CSMD1: variants seen among roughly 807,000 people sequenced by gnomAD.
CSMD1 encodes CUB and sushi domain-containing protein 1.
A neutral mutation model predicts 417.5 loss-of-function variants in CSMD1; 213 were observed. That is an observed-to-expected ratio of 0.51 (90% CI 0.46 to 0.57). The LOEUF is 0.57. Among genes scored for constraint, CSMD1 ranks in the 20% least tolerant of loss-of-function variants. The probability of loss-of-function intolerance (pLI) is 0.00; values close to 1 mark genes in which losing one functional copy is unlikely to be tolerated. For missense variants in CSMD1, 6,923 were observed against 4,529.7 expected, an observed-to-expected ratio of 1.53 and a Z score of -15.17; for synonymous variants, 2,862 against 1,736.8, an observed-to-expected ratio of 1.65 and a Z score of -16.11.
chr8:4,154,343 T>C (rs1198400679), intron 3 of CSMD1, among the ~76,000 whole-genome samples: 2 of 152,230 alleles, frequency 1.3e-5, no homozygotes, highest in African/African-American at 2.4e-5. Context: ...TCCAGGAGTA[T>C]TCAGTCAAGC....
chr8:3,294,521 G>A (rs1803817105), intron 25 of CSMD1, among the ~76,000 whole-genome samples: 1 of 151,698 alleles, frequency 6.6e-6, no homozygotes, highest in African/African-American at 2.4e-5. Flanking sequence ...CTTGGCAATG[G>A]CGGGCGCCCC....
At chr8:4,097,655 A>T (rs1191969776) in intron 3 of CSMD1, among the ~76,000 whole-genome samples, 1 of 152,202 alleles carries the variant, frequency 6.6e-6, no homozygotes, top group African/African-American at 2.4e-5. Flanking sequence ...AAAAACTTTA[A>T]AAGATGTTCT....
chr8:4,653,710 A>G (rs1804052062), intron 1 of CSMD1, among the ~76,000 whole-genome samples: 1 of 152,136 alleles, frequency 6.6e-6, no homozygotes, highest in South Asian at 2.1e-4. Flanking sequence ...CACAAATGGC[A>G]GAAAAGGAAA....
At chr8:3,846,108 A>G (rs773107052) in intron 5 of CSMD1, among the ~76,000 whole-genome samples, 7 of 152,188 alleles carry the variant, frequency 4.6e-5, no homozygotes, top group Non-Finnish European at 1.0e-4. Context: ...TAAAAAGTAT[A>G]GTAATTATAT....
intron 3 of CSMD1, among the ~76,000 whole-genome samples, chr8:4,115,486 T>A (rs1310515058): frequency 1.3e-5 from 2 of 151,832 alleles, no homozygotes; most frequent in Non-Finnish European, 2.9e-5. Context: ...TTAGACGTAT[T>A]TTTTTACAAC....
chr8:3,260,814 A>G (rs1386220444), intron 26 of CSMD1, among the ~76,000 whole-genome samples: 1 of 152,202 alleles, frequency 6.6e-6, no homozygotes, highest in Non-Finnish European at 1.5e-5. Context: ...ATCAAAACAG[A>G]AAAGCTTTTG....
chr8:3,341,732 C>T (rs559244451), intron 23 of CSMD1, among the ~76,000 whole-genome samples: 10 of 152,264 alleles, frequency 6.6e-5, no homozygotes, highest in African/African-American at 1.9e-4. Flanking sequence ...ACTGGAAGAA[C>T]GCCGTAGGTG....
In CSMD1 at chr8:4,280,018, T is replaced by C. The variant is rs1404575855; in HGVS notation, c.415+139935A>G. Among the ~76,000 whole-genome samples, 4 of 152,236 alleles carry C rather than the reference T, an allele frequency of 2.6e-5. No individual in the cohort carries two copies. The South Asian group carries it at 8.3e-4, about 32-fold the overall frequency. On this transcript the variant is annotated intron_variant, in intron 3 of 69. Coordinates refer to ENST00000635120, the MANE Select transcript of CSMD1 (RefSeq NM_033225.6). ...ACACAGGGGCCTATCTGCTGCTTCC[T>C]TCCCAGCCTAGAACACAGTGAACTC...
chr8:3,296,442 A>T (rs1331294706), intron 25 of CSMD1, among the ~76,000 whole-genome samples: 1 of 152,122 alleles, frequency 6.6e-6, no homozygotes, highest in Non-Finnish European at 1.5e-5. Flanking sequence ...CTACGCACAG[A>T]GGGCTTTGTA....
At chr8:3,947,140 A>C (rs576488577) in intron 5 of CSMD1, among the ~76,000 whole-genome samples, 11 of 152,334 alleles carry the variant, frequency 7.2e-5, no homozygotes, top group South Asian at 6.2e-4. Flanking sequence ...TTTCATCATT[A>C]AGTAAGAAAT....
intron 2 of CSMD1, among the ~76,000 whole-genome samples, chr8:4,451,983 T>C (rs1267272035): frequency 6.7e-6 from 1 of 149,370 alleles, no homozygotes; most frequent in Non-Finnish European, 1.5e-5. Flanking sequence ...GATATACATA[T>C]AGTTTGATAT....
intron 40 of CSMD1, among the ~76,000 whole-genome samples, chr8:3,147,647 T>G (rs1818923712): frequency 6.6e-6 from 1 of 152,204 alleles, no homozygotes; most frequent in South Asian, 2.1e-4. Flanking sequence ...TCATTTTCCT[T>G]GTTACTTAGT....
rs556970597 is a variant in CSMD1, at chr8:4,454,533, G to A, written c.303-34468C>T. 2.5e-3 allele frequency among the ~76,000 whole-genome samples: 375 copies of A among 152,244 alleles called. 3 individuals are homozygous for A. Among genetic ancestry groups the A allele is most frequent in the Non-Finnish European group, 4.5e-3 (308 of 68,028 alleles). ...GAAGCAAAGAAAAAGTGTGGTTTCT[G>A]ATTTCTAATACAGAGCACCTTTGCA... On this transcript the variant is annotated intron_variant, in intron 2 of 69. Transcript: ENST00000635120.
chr8:3,233,040 T>G (rs1403962374), intron 26 of CSMD1, among the ~76,000 whole-genome samples: 1 of 152,254 alleles, frequency 6.6e-6, no homozygotes, highest in Non-Finnish European at 1.5e-5. Context: ...GATGATTGTT[T>G]AAATTTTCAT....
At chr8:4,071,400 A>T (rs982186466) in intron 3 of CSMD1, among the ~76,000 whole-genome samples, 1 of 81,422 alleles carries the variant, frequency 1.2e-5, no homozygotes, top group African/African-American at 5.3e-5. Flanking sequence ...AACCTACTTT[A>T]AAAAAAATTG....
chr8:3,409,556 C>A lies in CSMD1; in HGVS notation c.1611G>T (p.Lys537Asn). The A allele has an allele frequency of 1.2e-6, 2 of 1,610,828 alleles. No individual in the cohort carries two copies. The highest frequency in any genetic ancestry group is 1.7e-6 in the Non-Finnish European group (2 of 1,178,500). ...CGDPGIPAYG[K>N]RTGSSFLHGD... Reference sequence around the variant, plus strand: ...CATGGAGGAAACTGCTGCCCGTCCGCTTCCCATAGGCGGGGATTCCAGGAT... The same window carrying A: ...CATGGAGGAAACTGCTGCCCGTCCGATTCCCATAGGCGGGGATTCCAGGAT... Residue 537 changes from lysine (K) to asparagine (N), a missense_variant, in exon 13 of 70, where the codon AAG (lysine) becomes AAT (asparagine). Transcript: ENST00000635120.
At chr8:3,139,206 A>G (rs2129030143) in intron 41 of CSMD1, among the ~76,000 whole-genome samples, 1 of 152,334 alleles carries the variant, frequency 6.6e-6, no homozygotes, top group South Asian at 2.1e-4. Context: ...CTGGAGGCAC[A>G]GGCACAAGAG....
intron 1 of CSMD1, among the ~76,000 whole-genome samples, chr8:4,915,664 A>G (rs1806012730): frequency 6.6e-6 from 1 of 152,076 alleles, no homozygotes; most frequent in Non-Finnish European, 1.5e-5. Flanking sequence ...GGACGAGGGA[A>G]CGTTAGCGCC....
chr8:3,964,040 C>G (rs1812511032), intron 5 of CSMD1, among the ~76,000 whole-genome samples: 1 of 152,206 alleles, frequency 6.6e-6, no homozygotes, highest in South Asian at 2.1e-4. Context: ...GCATAAATTA[C>G]TTTCATTGAT....
Sources: allele counts gnomAD v4.1 joint callset (sites outside exome capture counted in the v4.1 genomes callset), GRCh38; gene constraint gnomAD v4.1.1; transcripts MANE v1.5; gene names NCBI Gene and HGNC (gene_info 2026-07-23, HGNC 2026-07-21).